The following VPS41 variants were observed in gnomAD, a reference collection of about 807,000 sequenced individuals.
VPS41 encodes the protein vacuolar protein sorting-associated protein 41 homolog.
VPS41 carries 85 observed loss-of-function variants against 130.9 expected under a neutral mutation model. That is an observed-to-expected ratio of 0.65 (90% CI 0.55 to 0.78). VPS41 has a LOEUF of 0.78. Ranked by LOEUF, VPS41 falls within the 30% of genes least tolerant of loss-of-function variation. The pLI is 0.00. For missense variants in VPS41, 874 were observed against 1,018.7 expected (o/e 0.86, Z 1.93); for synonymous variants, 335 against 332.9 (o/e 1.01, Z -0.07).
At chr7:38,849,545 G>A (rs1785803729) in intron 4 of VPS41, among the ~76,000 whole-genome samples, 1 of 152,180 alleles carries the variant, frequency 6.6e-6, no homozygotes, top group African/African-American at 2.4e-5. Flanking sequence ...CCGCTCAGTA[G>A]CCCGGCCTCT....
chr7:38,831,593 G>A lies in VPS41; in HGVS notation c.247-1265C>T, dbSNP rs926826759. Among the ~76,000 whole-genome samples the A allele has an allele frequency of 5.3e-5, 8 of 152,228 alleles. No individual in the cohort carries two copies. In the East Asian group the frequency reaches 5.8e-4, roughly 11 times the overall value. On this transcript the variant is annotated intron_variant, in intron 4 of 28. Transcript: ENST00000310301. Reference sequence around the variant, plus strand: ...TAGTAGATTTTCCTTCTATATACACGTTTATGTAATTTGTTCTTGGACTCT... The same window carrying A: ...TAGTAGATTTTCCTTCTATATACACATTTATGTAATTTGTTCTTGGACTCT...
intron 4 of VPS41, among the ~76,000 whole-genome samples, chr7:38,854,712 A>G (rs1298224981): frequency 1.3e-5 from 2 of 152,224 alleles, no homozygotes; most frequent in Non-Finnish European, 2.9e-5. Context: ...TATTTCTATC[A>G]GTTCACCAGC....
At chr7:38,884,794 A>G (rs985436441) in intron 2 of VPS41, among the ~76,000 whole-genome samples, 1 of 152,184 alleles carries the variant, frequency 6.6e-6, no homozygotes, top group African/African-American at 2.4e-5. Flanking sequence ...TCACAAATCA[A>G]AGGTCTCTGG....
chr7:38,884,175 G>A (rs1786671264), intron 2 of VPS41, among the ~76,000 whole-genome samples: 1 of 152,160 alleles, frequency 6.6e-6, no homozygotes, highest in Admixed American at 6.5e-5. Flanking sequence ...TTTGTGTGAT[G>A]CATTTCCTGA....
At chr7:38,735,351 T>C (rs1277767421) in intron 25 of VPS41, among the ~76,000 whole-genome samples, 1 of 152,138 alleles carries the variant, frequency 6.6e-6, no homozygotes, top group Non-Finnish European at 1.5e-5. Context: ...CTTATCCCAT[T>C]TGGATTGCAA....
chr7:38,845,461 G>A (rs1200034796), intron 4 of VPS41, among the ~76,000 whole-genome samples: 2 of 152,170 alleles, frequency 1.3e-5, no homozygotes, highest in Admixed American at 6.5e-5. Context: ...CGTAGGGTGA[G>A]GTGGATGAAC....
chr7:38,893,640 C>A (rs560334183), intron 2 of VPS41, among the ~76,000 whole-genome samples: 1 of 152,344 alleles, frequency 6.6e-6, no homozygotes, highest in South Asian at 2.1e-4. Flanking sequence ...TTTAGTTAGT[C>A]TCAAAATTTT....
At position 38,778,248 on chromosome 7, in the gene VPS41, T is replaced by C. The variant is rs146964351; in HGVS notation, c.785-1472A>G. Among the ~76,000 whole-genome samples the C allele has an allele frequency of 2.2e-3, 342 of 152,288 alleles. 2 individuals carry two copies. The highest frequency in any genetic ancestry group is 0.01 in the Middle Eastern group (3 of 294). ...GAACCAAATGTGTTTATCCAGATAC[T>C]TAAGAATAGTTTTGGTAAAGTGGTA... is the stretch of plus-strand genomic sequence containing the variant. On this transcript the variant is annotated intron_variant, in intron 10 of 28. Transcript: ENST00000310301.
chr7:38,847,574 C>G (rs1308841302), intron 4 of VPS41, among the ~76,000 whole-genome samples: 1 of 152,152 alleles, frequency 6.6e-6, no homozygotes, highest in African/African-American at 2.4e-5. Context: ...CTACCCTAAT[C>G]CTAAGGATCT....
At chr7:38,762,641 A>G (rs1783945420) in intron 17 of VPS41, among the ~76,000 whole-genome samples, 1 of 152,244 alleles carries the variant, frequency 6.6e-6, no homozygotes, top group Non-Finnish European at 1.5e-5. Context: ...ATGTCTCTCC[A>G]CATAATATGT....
intron 2 of VPS41, among the ~76,000 whole-genome samples, chr7:38,870,076 C>A (rs1786317558): frequency 6.6e-6 from 1 of 152,142 alleles, no homozygotes; most frequent in African/African-American, 2.4e-5. Context: ...GGGTGTAGGA[C>A]AAGAGGCTGA....
chr7:38,867,790 A>G (rs1030952052), intron 3 of VPS41, among the ~76,000 whole-genome samples: 1 of 152,180 alleles, frequency 6.6e-6, no homozygotes. Flanking sequence ...TAGGTGTGTG[A>G]GTCTATACCA....
At chr7:38,781,533 T>C (rs1038463963) in intron 10 of VPS41, among the ~76,000 whole-genome samples, 4 of 152,266 alleles carry the variant, frequency 2.6e-5, no homozygotes, top group African/African-American at 9.6e-5. Context: ...ACATTGTCTA[T>C]AGTATTTGTC....
chr7:38,758,416 T>G lies in VPS41; in HGVS notation c.1488A>C (p.Ala496=). 6.2e-7 allele frequency: 1 copy of G among 1,613,576 alleles called. No homozygotes were observed. The highest frequency in any genetic ancestry group is 8.5e-7 in the Non-Finnish European group (1 of 1,179,644). ...DLYNNSVIVQ[A]VRDHLKKDSQ... The stretch of plus-strand genomic sequence containing the variant: ...TATCTTTCTTCAAATGATCCCGAAC[T>G]GCTTGAACTATGACTGAATTATTAT... Residue 496 remains alanine, a synonymous_variant, in exon 18 of 29, where the codon GCA becomes GCC. Transcript: ENST00000310301.
chr7:38,906,671 T>G (rs546830162), intron 1 of VPS41, among the ~76,000 whole-genome samples: 1 of 152,266 alleles, frequency 6.6e-6, no homozygotes, highest in African/African-American at 2.4e-5. Context: ...CTGACACCAC[T>G]GGAGAGGAGA....
At chr7:38,832,150 T>A (rs1369660341) in intron 4 of VPS41, among the ~76,000 whole-genome samples, 1 of 152,128 alleles carries the variant, frequency 6.6e-6, no homozygotes, top group African/African-American at 2.4e-5. Flanking sequence ...TTTTTTCTAT[T>A]AACATGTTTG....
intron 5 of VPS41, among the ~76,000 whole-genome samples, chr7:38,826,374 T>C (rs1334372827): frequency 1.3e-5 from 2 of 152,114 alleles, no homozygotes; most frequent in Non-Finnish European, 2.9e-5. Flanking sequence ...TGCAGAACAT[T>C]CCAAAGATTC....
intron 1 of VPS41, among the ~76,000 whole-genome samples, chr7:38,899,888 T>C (rs1296771912): frequency 6.6e-6 from 1 of 152,128 alleles, no homozygotes; most frequent in African/African-American, 2.4e-5. Context: ...TTTCCTCATA[T>C]AGAATCCACT....
chr7:38,844,064 A>AG (rs1307202684), intron 4 of VPS41, among the ~76,000 whole-genome samples: 1 of 152,254 alleles, frequency 6.6e-6, no homozygotes, highest in African/African-American at 2.4e-5. Flanking sequence ...GTTACATAGT[A>AG]GCTAAAAATT....
Sources: gnomAD v4.1 joint callset for allele counts (sites outside exome capture counted in the v4.1 genomes callset) on GRCh38, gnomAD v4.1.1 for gene constraint, MANE v1.5 for transcripts, NCBI Gene and HGNC (gene_info 2026-07-23, HGNC 2026-07-21) for gene names.